The following UCK2 variants were observed in gnomAD, a reference collection of about 807,000 sequenced individuals.
The protein encoded by UCK2 is cytidine monophosphokinase 2.
UCK2 carries 6 observed loss-of-function variants against 30.8 expected under a neutral mutation model. The ratio of observed to expected loss-of-function variants is 0.19; its 90% CI spans 0.11 to 0.38. The LOEUF (loss-of-function observed/expected upper bound fraction) is 0.38, where lower values mean the gene tolerates loss of function less well. Ranked by LOEUF, UCK2 falls within the 10% of genes least tolerant of loss-of-function variation. The pLI, the probability that UCK2 is intolerant of heterozygous loss-of-function variation, is 1.00. For missense variants in UCK2, 210 were observed against 339.8 expected, an observed-to-expected ratio of 0.62 and a Z score of 3.00; for synonymous variants, 125 against 133.6, an observed-to-expected ratio of 0.94 and a Z score of 0.45.
At chr1:165,881,324 TC>T (rs1366684467) in intron 1 of UCK2, among the ~76,000 whole-genome samples, 1 of 152,178 alleles carries the variant, frequency 6.6e-6, no homozygotes, top group Non-Finnish European at 1.5e-5. Flanking sequence ...TACTATATTC[TC>T]CCCTGTCCTC....
At chr1:165,841,159 C>T (rs1654322498) in intron 1 of UCK2, among the ~76,000 whole-genome samples, 1 of 150,562 alleles carries the variant, frequency 6.6e-6, no homozygotes, top group Admixed American at 6.6e-5. Context: ...TCTCCATGAT[C>T]CTAGCAAAAT....
At chr1:165,904,425 G>A (rs1394920345) in intron 5 of UCK2, among the ~76,000 whole-genome samples, 4 of 152,188 alleles carry the variant, frequency 2.6e-5, no homozygotes, top group Non-Finnish European at 5.9e-5. Flanking sequence ...AGGGGGCTGA[G>A]GAGCTGTGAA....
chr1:165,874,719 C>T (rs1655291160), intron 1 of UCK2, among the ~76,000 whole-genome samples: 1 of 152,026 alleles, frequency 6.6e-6, no homozygotes, highest in Non-Finnish European at 1.5e-5. Flanking sequence ...CGTAAGAATT[C>T]CTTTTCTTCC....
At position 165,909,766 on chromosome 1, in the gene UCK2, A is replaced by G. The variant is rs75772084; in HGVS notation, c.*1943A>G. The G allele has an allele frequency of 8.8e-3, 1,347 of 152,476 alleles. 36 individuals carry two copies. Among genetic ancestry groups the G allele is most frequent in the Admixed American group, 0.057 (875 of 15,306 alleles). The allele number at this position is 152,476 out of a possible 1,614,324, so 9.4% of individuals were successfully genotyped here. On this transcript the variant is annotated 3_prime_UTR_variant, in exon 7 of 7. Coordinates refer to ENST00000367879, the MANE Select transcript of UCK2 (RefSeq NM_012474.5). ...GATCAGTTCTGAGATGAAGCAGGGA[A>G]TGCAGGCCTGGGTTAGTATCCTGAG... is the stretch of plus-strand genomic sequence containing the variant.
At chr1:165,838,576 A>G (rs1349333446) in intron 1 of UCK2, among the ~76,000 whole-genome samples, 1 of 152,152 alleles carries the variant, frequency 6.6e-6, no homozygotes, top group Non-Finnish European at 1.5e-5. Flanking sequence ...TTCTAATACT[A>G]GTTTTAACAT....
chr1:165,868,292 G>A (rs1655097268), intron 1 of UCK2, among the ~76,000 whole-genome samples: 1 of 152,206 alleles, frequency 6.6e-6, no homozygotes, highest in African/African-American at 2.4e-5. Context: ...AATGGTAAAT[G>A]AGCATTGACT....
chr1:165,893,295 A>G (rs1172566383), intron 3 of UCK2, among the ~76,000 whole-genome samples: 4 of 152,224 alleles, frequency 2.6e-5, no homozygotes, highest in Non-Finnish European at 4.4e-5. Context: ...TTCCCAGTGC[A>G]GACATGTTTC....
At chr1:165,893,505 T>C (rs1407670361) in intron 3 of UCK2, among the ~76,000 whole-genome samples, 1 of 152,182 alleles carries the variant, frequency 6.6e-6, no homozygotes, top group Non-Finnish European at 1.5e-5. Context: ...CCATGGGCGT[T>C]TGGTACAAAC....
At chr1:165,837,664 G>C (rs757329380) in intron 1 of UCK2, among the ~76,000 whole-genome samples, 2 of 152,196 alleles carry the variant, frequency 1.3e-5, no homozygotes, top group Non-Finnish European at 2.9e-5. Context: ...TCTAGACTGA[G>C]CTCTCAGGAT....
intron 1 of UCK2, among the ~76,000 whole-genome samples, chr1:165,828,305 C>A (rs1653949133): frequency 6.6e-6 from 1 of 152,222 alleles, no homozygotes; most frequent in Non-Finnish European, 1.5e-5. Context: ...GGATCCCCCA[C>A]TAACCCCCGA....
intron 1 of UCK2, among the ~76,000 whole-genome samples, chr1:165,839,615 G>A (rs1188890221): frequency 6.6e-6 from 1 of 152,176 alleles, no homozygotes; most frequent in Admixed American, 6.5e-5. Flanking sequence ...GGTTTGTTCA[G>A]AAGATGCTTC....
chr1:165,857,806 A>T (rs188707650), intron 1 of UCK2, among the ~76,000 whole-genome samples: 1 of 151,644 alleles, frequency 6.6e-6, no homozygotes, highest in African/African-American at 2.4e-5. Context: ...ATTCTACCCT[A>T]CTCCTGTTGG....
rs186424318 is a variant in UCK2 at position 165,838,786 on chromosome 1, G to A, written c.99+10854G>A. ...AATCAGGCTGGGTGCAGTGGCTCATGCATGTCATCGCAGCACTTTGGGAGG... is the reference window on the plus strand; with the variant it reads ...AATCAGGCTGGGTGCAGTGGCTCATACATGTCATCGCAGCACTTTGGGAGG... On this transcript the variant is annotated intron_variant, in intron 1 of 6. Coordinates refer to ENST00000367879, the MANE Select transcript of UCK2 (RefSeq NM_012474.5). 4.5e-4 allele frequency among the ~76,000 whole-genome samples: 69 copies of A among 151,880 alleles called. 1 individual carries two copies. The South Asian group carries it at 7.5e-3, about 17-fold the overall frequency.
At chr1:165,898,635 T>A (rs1349340324) in intron 4 of UCK2, among the ~76,000 whole-genome samples, 2 of 152,152 alleles carry the variant, frequency 1.3e-5, no homozygotes, top group Non-Finnish European at 2.9e-5. Context: ...GCACAGGAGA[T>A]TAGAACCAAG....
chr1:165,891,167 G>T, intron 2 of UCK2, 59 bp from the exon 3 acceptor site: 1 of 1,453,724 alleles, frequency 6.9e-7, no homozygotes, highest in Non-Finnish European at 9.6e-7. Context: ...CCTTGTGTAT[G>T]ATTATAGGAG....
At chr1:165,903,601 A>C (rs1319377133) in intron 5 of UCK2, among the ~76,000 whole-genome samples, 1 of 152,130 alleles carries the variant, frequency 6.6e-6, no homozygotes, top group Non-Finnish European at 1.5e-5. Flanking sequence ...AGGGTGTATC[A>C]TATCCAAGGA....
intron 1 of UCK2, among the ~76,000 whole-genome samples, chr1:165,882,942 G>A (rs369569760): frequency 2.8e-4 from 43 of 151,920 alleles, no homozygotes; most frequent in African/African-American, 1.0e-3. Flanking sequence ...CTCCTGCCTC[G>A]GCCTCCCAAG....
chr1:165,873,310 C>T (rs1246652767), intron 1 of UCK2, among the ~76,000 whole-genome samples: 1 of 152,110 alleles, frequency 6.6e-6, no homozygotes, highest in Non-Finnish European at 1.5e-5. Flanking sequence ...AATATCTTGC[C>T]CACATAGGGA....
intron 1 of UCK2, among the ~76,000 whole-genome samples, chr1:165,866,123 G>A (rs1047551568): frequency 2.0e-5 from 3 of 152,126 alleles, no homozygotes; most frequent in African/African-American, 4.8e-5. Flanking sequence ...AGTTAACTGG[G>A]AGACTGGAGT....
Sources: gnomAD v4.1 joint callset for allele counts (sites outside exome capture counted in the v4.1 genomes callset) on GRCh38, gnomAD v4.1.1 for gene constraint, MANE v1.5 for transcripts, NCBI Gene and HGNC (gene_info 2026-07-23, HGNC 2026-07-21) for gene names.